Variants in SDK1 observed in about 807,000 individuals in gnomAD.
SDK1 encodes protein sidekick-1.
In SDK1, 157 loss-of-function variants were observed where a neutral mutation model predicts 245.5. That is an observed-to-expected ratio of 0.64 (90% CI 0.56 to 0.73). The LOEUF is 0.73. Ranked by LOEUF, SDK1 falls within the 30% of genes least tolerant of loss-of-function variation. SDK1 has a pLI of 0.00. For missense variants in SDK1, 3,583 were observed against 3,002.3 expected (o/e 1.19, Z -4.52); for synonymous variants, 1,647 against 1,278.5 (o/e 1.29, Z -6.15).
chr7:3,623,380 A>G (rs912672496), intron 2 of SDK1, among the ~76,000 whole-genome samples: 1 of 150,946 alleles, frequency 6.6e-6, no homozygotes, highest in Non-Finnish European at 1.5e-5. Flanking sequence ...AGCTGGGACT[A>G]CAGGCATGTG....
At chr7:3,595,129 G>A (rs933167140) in intron 1 of SDK1, among the ~76,000 whole-genome samples, 1 of 151,994 alleles carries the variant, frequency 6.6e-6, no homozygotes, top group Non-Finnish European at 1.5e-5. Context: ...ATTTTCTCCC[G>A]ATTACTTTTT....
chr7:4,099,225 A>G (rs7800885), intron 22 of SDK1, among the ~76,000 whole-genome samples: 9,543 of 151,490 alleles, frequency 0.063, 768 homozygotes, highest in African/African-American at 0.19. Flanking sequence ...GTTTTAAAGT[A>G]TAGATCTTAT....
At chr7:3,826,632 G>A (rs971575996) in intron 5 of SDK1, among the ~76,000 whole-genome samples, 7 of 152,008 alleles carry the variant, frequency 4.6e-5, no homozygotes, top group East Asian at 1.9e-4. Context: ...CCACCTCTCC[G>A]GGCAAAGGTG....
chr7:3,760,742 C>G (rs141181955), intron 4 of SDK1, among the ~76,000 whole-genome samples: 139 of 152,286 alleles, frequency 9.1e-4, no homozygotes, highest in African/African-American at 3.3e-3. Flanking sequence ...AACCACTGAT[C>G]TGTTTCTGAC....
At chr7:3,658,814 C>T (rs530180616) in intron 4 of SDK1, among the ~76,000 whole-genome samples, 87 of 152,138 alleles carry the variant, frequency 5.7e-4, no homozygotes, top group Middle Eastern at 3.4e-3. Context: ...TATGTGGTTT[C>T]GCCATGTTGG....
At chr7:3,768,441 TCA>T (rs1780317797) in intron 4 of SDK1, among the ~76,000 whole-genome samples, 1 of 152,210 alleles carries the variant, frequency 6.6e-6, no homozygotes, top group African/African-American at 2.4e-5. Flanking sequence ...ATCAGTAACT[TCA>T]AAGAGCATTT....
At chr7:3,607,980 C>G (rs1237344870) in intron 1 of SDK1, among the ~76,000 whole-genome samples, 1 of 152,228 alleles carries the variant, frequency 6.6e-6, no homozygotes, top group Non-Finnish European at 1.5e-5. Flanking sequence ...ATCATTTCAT[C>G]AGAATAGACC....
At chr7:4,142,705 C>T (rs922851375) in intron 28 of SDK1, among the ~76,000 whole-genome samples, 7 of 152,160 alleles carry the variant, frequency 4.6e-5, no homozygotes, top group Admixed American at 4.6e-4. Context: ...TCAAGTGATC[C>T]ACCCTCCTTG....
At chr7:4,174,177 G>T (rs1247986208) in intron 32 of SDK1, 45 bp from the exon 33 acceptor site, 2 of 1,608,534 alleles carry the variant, frequency 1.2e-6, no homozygotes, top group African/African-American at 1.3e-5. Context: ...AGGCCAGCTG[G>T]GTTGACTCCC....
chr7:3,835,578 C>G (rs1780012662), intron 5 of SDK1, among the ~76,000 whole-genome samples: 1 of 152,166 alleles, frequency 6.6e-6, no homozygotes, highest in African/African-American at 2.4e-5. Flanking sequence ...ATGTTTTCAG[C>G]TCTTACCTAT....
At chr7:4,148,090 T>G (rs995852938) in intron 29 of SDK1, among the ~76,000 whole-genome samples, 9 of 151,822 alleles carry the variant, frequency 5.9e-5, no homozygotes, top group African/African-American at 9.7e-5. Flanking sequence ...TCCAAGAGAC[T>G]TGCTAGTTAC....
At chr7:3,739,391 G>T (rs573198798) in intron 4 of SDK1, among the ~76,000 whole-genome samples, 3 of 151,994 alleles carry the variant, frequency 2.0e-5, no homozygotes, top group Non-Finnish European at 4.4e-5. Flanking sequence ...TATTCTTTCT[G>T]TTACTTTCCC....
intron 5 of SDK1, among the ~76,000 whole-genome samples, chr7:3,836,850 G>A (rs1780039014): frequency 6.6e-6 from 1 of 152,112 alleles, no homozygotes; most frequent in Non-Finnish European, 1.5e-5. Flanking sequence ...TCTGAAAACT[G>A]GAAGTCCAAG....
chr7:3,733,488 C>A (rs1562403882), intron 4 of SDK1, among the ~76,000 whole-genome samples: 1 of 152,154 alleles, frequency 6.6e-6, no homozygotes. Context: ...CTGGAAGTTA[C>A]AAGTTGCCCT....
intron 9 of SDK1, among the ~76,000 whole-genome samples, chr7:3,966,390 TG>T (rs1782083879): frequency 6.6e-6 from 1 of 152,192 alleles, no homozygotes; most frequent in Admixed American, 6.5e-5. Context: ...AGATCACTGT[TG>T]TACGGGGGGT....
chr7:3,358,475 C>G (rs1780867866), intron 1 of SDK1, among the ~76,000 whole-genome samples: 1 of 151,110 alleles, frequency 6.6e-6, no homozygotes, highest in South Asian at 2.1e-4. Flanking sequence ...CTTTTTTTCC[C>G]CCAGCTACTG....
At chr7:3,908,464 T>C (rs534443672) in intron 5 of SDK1, among the ~76,000 whole-genome samples, 5 of 152,136 alleles carry the variant, frequency 3.3e-5, no homozygotes, top group Admixed American at 1.3e-4. Context: ...CACTCAGCGG[T>C]CCACTCAGCT....
At chr7:4,012,852 C>T (rs1786099677) in intron 16 of SDK1, among the ~76,000 whole-genome samples, 2 of 152,080 alleles carry the variant, frequency 1.3e-5, no homozygotes, top group African/African-American at 4.8e-5. Context: ...GCTGGGATTA[C>T]AGGCGTGAGG....
chr7:3,357,328 G>GTTTTTTTTTTTTT lies in SDK1; in HGVS notation c.298+55471_298+55483dup, dbSNP rs560124026. On this transcript the variant is annotated intron_variant, in intron 1 of 44. Transcript: ENST00000404826. ...TTACTCTTGCTCCCCTTCTTTTAGT[G>GTTTTTTTTTTTTT]TTTTTTTTTTTTTTTTTTTTTTTTT... Among the ~76,000 whole-genome samples, 63 of 52,936 alleles carry GTTTTTTTTTTTTT rather than the reference G, an allele frequency of 1.2e-3. 15 individuals carry two copies. Among genetic ancestry groups the GTTTTTTTTTTTTT allele is most frequent in the Non-Finnish European group, 1.6e-3 (46 of 28,310 alleles). The allele number at this position is 52,936 out of a possible 152,430, so 34.7% of individuals were successfully genotyped here. A position where few individuals can be genotyped will look rare whatever the true frequency, so the allele number is the denominator to read the frequency against.
Sources: gnomAD v4.1 joint callset for allele counts (sites outside exome capture counted in the v4.1 genomes callset) on GRCh38, gnomAD v4.1.1 for gene constraint, MANE v1.5 for transcripts, NCBI Gene and HGNC (gene_info 2026-07-23, HGNC 2026-07-21) for gene names.